The following NLRC5 variants were observed in gnomAD, a reference collection of about 807,000 sequenced individuals.
NLRC5 encodes protein NLRC5.
A neutral mutation model predicts 206.9 loss-of-function variants in NLRC5; 114 were observed. That is an observed-to-expected ratio of 0.55 (90% CI 0.47 to 0.64). The LOEUF (loss-of-function observed/expected upper bound fraction) is 0.64, where lower values mean the gene tolerates loss of function less well. Among genes scored for constraint, NLRC5 ranks in the 30% least tolerant of loss-of-function variants. The probability of loss-of-function intolerance (pLI) is 0.00; values close to 1 mark genes in which losing one functional copy is unlikely to be tolerated. For synonymous variants in NLRC5, 952 were observed against 962.8 expected, an observed-to-expected ratio of 0.99 and a Z score of 0.21; for missense variants, 2,008 against 2,305.5, an observed-to-expected ratio of 0.87 and a Z score of 2.64.
chr16:57,076,663 C>T (rs1258713253), intron 39 of NLRC5, among the ~76,000 whole-genome samples, 156 bp from the exon 40 acceptor site: 1 of 152,234 alleles, frequency 6.6e-6, no homozygotes, highest in South Asian at 2.1e-4. Flanking sequence ...CCACCTTGCT[C>T]ACCACTCCCC....
intron 27 of NLRC5, among the ~76,000 whole-genome samples, chr16:57,057,558 A>AT (rs141564769): frequency 0.092 from 13,899 of 151,872 alleles, 818 homozygotes; most frequent in African/African-American, 0.16. Flanking sequence ...TCCTGCAAAC[A>AT]TTTTTTTTTC....
intron 38 of NLRC5, among the ~76,000 whole-genome samples, chr16:57,073,814 G>A (rs1597449671): frequency 6.6e-6 from 1 of 152,148 alleles, no homozygotes; most frequent in Admixed American, 6.5e-5. Context: ...GGCTGGTCTC[G>A]AACTCCTGAC....
intron 1 of NLRC5, among the ~76,000 whole-genome samples, chr16:57,008,127 C>T (rs1252936790): frequency 2.0e-5 from 3 of 152,068 alleles, no homozygotes; most frequent in African/African-American, 7.2e-5. Flanking sequence ...GTGGCTCACA[C>T]CTGCAATCCC....
At chr16:57,041,334 C>A in intron 17 of NLRC5, 151 bp from the exon 18 acceptor site, 1 of 621,958 alleles carries the variant, frequency 1.6e-6, no homozygotes, top group Non-Finnish European at 2.8e-6. Flanking sequence ...GTTGGTCCCT[C>A]TTTGTCCGTC....
chr16:57,069,817 G>A lies in NLRC5; in HGVS notation c.4500-19G>A. On this transcript the variant is annotated intron_variant, in intron 36 of 48. Transcript: ENST00000688547. ...CAGGGCGGCTCCTGCCTGACCTGTTGCCCTTTGACCCCCACCAGGCTGACC... is the reference window on the plus strand; with the variant it reads ...CAGGGCGGCTCCTGCCTGACCTGTTACCCTTTGACCCCCACCAGGCTGACC... The A allele has an allele frequency of 6.3e-7, 1 of 1,595,750 alleles. No individual in the cohort carries two copies. Among genetic ancestry groups the A allele is most frequent in the South Asian group, 1.1e-5 (1 of 88,238 alleles).
intron 45 of NLRC5, 64 bp from the exon 46 acceptor site, chr16:57,079,482 G>T: frequency 6.8e-7 from 1 of 1,478,700 alleles, no homozygotes; most frequent in South Asian, 1.1e-5. Context: ...TCTGGAGGCA[G>T]GACCTGCTAG....
intron 20 of NLRC5, among the ~76,000 whole-genome samples, chr16:57,044,731 C>G (rs896050317): frequency 1.3e-5 from 2 of 151,716 alleles, no homozygotes; most frequent in African/African-American, 4.8e-5. Context: ...CCAGCCTGGA[C>G]AACATGGTGA....
In NLRC5 at chr16:57,051,736, CA is replaced by C; in HGVS notation, c.3506+117del. On this transcript the variant is annotated intron_variant, in intron 24 of 48. Transcript: ENST00000688547. Reference sequence around the variant, plus strand: ...CTCAACCCCCCGCCTTTACCCCCTCCAACCCCCTCTACCCGCTCCATTCTTT... The same window carrying C: ...CTCAACCCCCCGCCTTTACCCCCTCCACCCCCTCTACCCGCTCCATTCTTT... The C allele has an allele frequency of 8.0e-6, 6 of 748,648 alleles. No individual in the cohort carries two copies. The South Asian group carries it at 9.5e-5, about 12-fold the overall frequency. 46.4% of individuals were successfully genotyped at this position (748,648 alleles called of 1,614,324 possible). A position where few individuals can be genotyped will look rare whatever the true frequency, so the allele number is the denominator to read the frequency against.
chr16:57,031,280 G>A, intron 10 of NLRC5, 124 bp from the exon 11 acceptor site: 1 of 992,280 alleles, frequency 1.0e-6, no homozygotes, highest in Non-Finnish European at 1.6e-6. Flanking sequence ...ATGTTTCCCT[G>A]TCAATTGCAA....
rs2061201310 is a variant in NLRC5 at position 57,025,588 on chromosome 16, C to T, written c.645C>T (p.Thr215=). The T allele has an allele frequency of 1.9e-6, 3 of 1,614,030 alleles. No homozygotes were observed. Among genetic ancestry groups the T allele is most frequent in the Non-Finnish European group, 2.5e-6 (3 of 1,180,030 alleles). The change falls in exon 6 of 49, where the codon ACC becomes ACT. Residue 215 remains threonine, a synonymous_variant. Transcript: ENST00000688547. ...TGAGCATCTCGGACCTCTTCAACAC[C>T]AGGGTTAACAAGGGCCCGAGGGTGA... is the stretch of plus-strand genomic sequence containing the variant. ...ADVSISDLFN[T]RVNKGPRVTV...
chr16:57,038,711 G>C (rs1567581219), intron 15 of NLRC5, among the ~76,000 whole-genome samples: 1 of 152,076 alleles, frequency 6.6e-6, no homozygotes, highest in Non-Finnish European at 1.5e-5. Context: ...GAGGCAGGGG[G>C]ATCACCTGAG....
At chr16:56,992,279 T>A (rs1180180063) in intron 1 of NLRC5, 2 of 152,146 alleles carry the variant, frequency 1.3e-5, no homozygotes, top group African/African-American at 4.8e-5. Context: ...TGACAGCAGA[T>A]ACAGCAGTAC....
chr16:57,054,308 T>C (rs1597375360), intron 24 of NLRC5, among the ~76,000 whole-genome samples: 1 of 152,064 alleles, frequency 6.6e-6, no homozygotes, highest in East Asian at 1.9e-4. Flanking sequence ...AGTGCTAAGG[T>C]TTAAAAACTG....
intron 32 of NLRC5, among the ~76,000 whole-genome samples, chr16:57,064,588 T>C (rs2066889735): frequency 6.6e-6 from 1 of 152,228 alleles, no homozygotes; most frequent in African/African-American, 2.4e-5. Context: ...TTGGTTTCCT[T>C]ACCTTTGTGA....
chr16:57,058,830 T>C, intron 28 of NLRC5, 142 bp from the exon 29 acceptor site: 1 of 748,076 alleles, frequency 1.3e-6, no homozygotes, highest in South Asian at 1.5e-5. Context: ...TGGGCCTCAG[T>C]GTGTCCATCT....
At chr16:56,999,348 G>C (rs1441881675) in intron 1 of NLRC5, among the ~76,000 whole-genome samples, 2 of 152,230 alleles carry the variant, frequency 1.3e-5, no homozygotes, top group Admixed American at 6.5e-5. Context: ...AAGGTCAAAG[G>C]GTAGAAGCGC....
intron 2 of NLRC5, among the ~76,000 whole-genome samples, chr16:57,019,569 G>A (rs141971389): frequency 2.9e-4 from 44 of 152,336 alleles, no homozygotes; most frequent in African/African-American, 1.0e-3. Flanking sequence ...CAAAGTCAGT[G>A]AGCACAGGGC....
chr16:57,049,884 T>C (rs1434581335), intron 23 of NLRC5, among the ~76,000 whole-genome samples: 1 of 152,182 alleles, frequency 6.6e-6, no homozygotes, highest in Admixed American at 6.5e-5. Context: ...TTGTCAACTG[T>C]AGAGTACTGT....
chr16:57,031,417 A>C lies in NLRC5; in HGVS notation c.2431A>C (p.Ile811Leu). ...CTGATCCTGCAGGGAGGCGGACCTC[A>C]TCTTCCTTCTTTCCCCGCCCACAGA... is the stretch of plus-strand genomic sequence containing the variant. ...RMLQAREADL[I>L]FLLSPPTETT... The change falls in exon 11 of 49, where the codon ATC (isoleucine) becomes CTC (leucine). Residue 811 changes from isoleucine (I) to leucine (L), a missense_variant. By Grantham distance (5) the Ile-to-Leu change is conservative. Coordinates refer to ENST00000688547, the MANE Select transcript of NLRC5 (RefSeq NM_001384950.1). 1 of 1,613,804 alleles carries C rather than the reference A, an allele frequency of 6.2e-7. No homozygotes were observed. The highest frequency in any genetic ancestry group is 8.5e-7 in the Non-Finnish European group (1 of 1,179,956).
Sources: gnomAD v4.1 joint callset for allele counts (sites outside exome capture counted in the v4.1 genomes callset) on GRCh38, gnomAD v4.1.1 for gene constraint, MANE v1.5 for transcripts, NCBI Gene and HGNC (gene_info 2026-07-23, HGNC 2026-07-21) for gene names.